Variants in SMARCAL1 observed in about 807,000 individuals in gnomAD.
The protein encoded by SMARCAL1 is SNF2 related chromatin remodeling annealing helicase 1.
In SMARCAL1, 58 loss-of-function variants were observed where a neutral mutation model predicts 94.5. The observed-to-expected ratio is 0.61, with a 90% CI of 0.50 to 0.76. The LOEUF is 0.76. SMARCAL1 is among the 30% of genes least tolerant of loss of function. The pLI is 0.00. For missense variants in SMARCAL1, 1,051 were observed against 1,177.9 expected (o/e 0.89, Z 1.58); for synonymous variants, 422 against 455.1 (o/e 0.93, Z 0.93).
intron 7 of SMARCAL1, among the ~76,000 whole-genome samples, chr2:216,432,377 A>T (rs1268609612): frequency 1.3e-5 from 2 of 151,952 alleles, no homozygotes; most frequent in East Asian, 3.9e-4. Context: ...ACCCTCCTCC[A>T]TGTACGTCCC....
intron 10 of SMARCAL1, among the ~76,000 whole-genome samples, chr2:216,440,048 A>AG (rs1491336149): frequency 8.7e-6 from 1 of 114,674 alleles, no homozygotes; most frequent in Non-Finnish European, 1.7e-5. Flanking sequence ...TCTCAAAAAA[A>AG]GAAAAAAAAA....
At chr2:216,463,478 C>G (rs949360827) in intron 12 of SMARCAL1, among the ~76,000 whole-genome samples, 4 of 151,266 alleles carry the variant, frequency 2.6e-5, no homozygotes, top group Non-Finnish European at 5.9e-5. Context: ...CCACTTCCCA[C>G]CACCACTGCA....
rs1695224731 is a variant in SMARCAL1, at chr2:216,482,593, T to C, written c.2626-145T>C. 9.0e-7 allele frequency: 1 copy of C among 1,114,574 alleles called. No homozygotes were observed. Among genetic ancestry groups the C allele is most frequent in the Non-Finnish European group, 1.4e-6 (1 of 739,828 alleles). The allele number at this position is 1,114,574 out of a possible 1,614,324, so 69.0% of individuals were successfully genotyped here. On this transcript the variant is annotated intron_variant, in intron 17 of 17. Coordinates refer to ENST00000357276, the MANE Select transcript of SMARCAL1 (RefSeq NM_014140.4). The surrounding 1 kb of genome is among the most constrained non-coding windows in gnomAD (Gnocchi z 4.3). ...CTTTAGTGATGGTTTGCTGAGATGA[T>C]GCACACTTGCCATCGTGTAGCTCCC...
chr2:216,464,525 C>A (rs974672947), intron 12 of SMARCAL1, 72 bp from the exon 13 acceptor site: 2 of 1,076,924 alleles, frequency 1.9e-6, no homozygotes, highest in Non-Finnish European at 2.9e-6. Context: ...CGCATAGGAG[C>A]AATAATTAGA....
Position 216,414,968 on chromosome 2 carries a change from T to G in SMARCAL1, c.264T>G (p.Asp88Glu). ...CTAATGCTGACCAAAGACCTCATGATTCCCACAGTTTTCAGGCAAAGGGAA... is the reference window on the plus strand; with the variant it reads ...CTAATGCTGACCAAAGACCTCATGAGTCCCACAGTTTTCAGGCAAAGGGAA... ...SSSNADQRPH[D>E]SHSFQAKGIW... Residue 88 changes from aspartate (D) to glutamate (E), a missense_variant, in exon 3 of 18, where the codon GAT becomes GAG. Transcript: ENST00000357276. 6.2e-7 allele frequency: 1 copy of G among 1,614,214 alleles called. No homozygotes were observed. Among genetic ancestry groups the G allele is most frequent in the Non-Finnish European group, 8.5e-7 (1 of 1,180,032 alleles).
At position 216,415,478 on chromosome 2, in the gene SMARCAL1, C is replaced by G. The variant is rs1472774164; in HGVS notation, c.774C>G (p.Leu258=). Residue 258 remains leucine (L), a synonymous_variant, in exon 3 of 18, where the codon CTC becomes CTG. Coordinates refer to ENST00000357276, the MANE Select transcript of SMARCAL1 (RefSeq NM_014140.4). ...FQVLIGYNAE[L]IAVFKTLPSK... ...TGTTGATTGGGTACAATGCGGAACT[C>G]ATTGCAGTGTTTAAGACCCTGCCCA... 1.9e-6 allele frequency: 3 copies of G among 1,613,630 alleles called. No individual in the cohort carries two copies. In the South Asian group the frequency reaches 3.3e-5, roughly 18 times the overall value.
intron 4 of SMARCAL1, among the ~76,000 whole-genome samples, chr2:216,419,187 G>T (rs1009074192): frequency 1.6e-4 from 25 of 152,116 alleles, no homozygotes; most frequent in African/African-American, 5.8e-4. Context: ...TTTTCCAGCA[G>T]GTTTTATTCC....
intron 13 of SMARCAL1, among the ~76,000 whole-genome samples, chr2:216,466,327 C>T (rs753293225): frequency 7.9e-5 from 12 of 152,172 alleles, no homozygotes; most frequent in Non-Finnish European, 1.5e-4. Context: ...AGTTTCCAAA[C>T]ATTTTTTACA....
In SMARCAL1 at chr2:216,428,649, C is replaced by T; in HGVS notation, c.1201C>T (p.Leu401Phe). 1 of 1,614,256 alleles carries T rather than the reference C, an allele frequency of 6.2e-7. No homozygotes were observed. Among genetic ancestry groups the T allele is most frequent in the Non-Finnish European group, 8.5e-7 (1 of 1,180,046 alleles). ...QVQLDPLPTTLTLAFASQLKK... is the reference protein window; with the variant it reads ...QVQLDPLPTTFTLAFASQLKK... ...TCAGCTGGACCCTCTGCCCACGACTCTCACCCTGGCGTTTGCTTCTCAGCT... is the reference window on the plus strand; with the variant it reads ...TCAGCTGGACCCTCTGCCCACGACTTTCACCCTGGCGTTTGCTTCTCAGCT... The change falls in exon 7 of 18, where the codon CTC (leucine) becomes TTC (phenylalanine). Residue 401 changes from leucine to phenylalanine, a missense_variant. Transcript: ENST00000357276.
chr2:216,465,028 T>G (rs914998677), intron 13 of SMARCAL1, among the ~76,000 whole-genome samples: 1 of 152,064 alleles, frequency 6.6e-6, no homozygotes, highest in Non-Finnish European at 1.5e-5. Context: ...GCACCTGTGG[T>G]CCCAACTACT....
At chr2:216,439,330 G>A (rs1033157548) in intron 10 of SMARCAL1, among the ~76,000 whole-genome samples, 3 of 152,214 alleles carry the variant, frequency 2.0e-5, no homozygotes, top group South Asian at 2.1e-4. Flanking sequence ...ATTATGGGGG[G>A]GGGGGATGAT....
At chr2:216,447,442 G>A (rs1694343726) in intron 11 of SMARCAL1, among the ~76,000 whole-genome samples, 1 of 152,114 alleles carries the variant, frequency 6.6e-6, no homozygotes, top group South Asian at 2.1e-4. Flanking sequence ...GGAGCTCTGA[G>A]AGCCGGCTTC....
At chr2:216,421,237 T>C (rs1693713601) in intron 5 of SMARCAL1, among the ~76,000 whole-genome samples, 1 of 152,204 alleles carries the variant, frequency 6.6e-6, no homozygotes, top group African/African-American at 2.4e-5. Context: ...AATCTTCCGA[T>C]AAGCCTAATT....
chr2:216,482,239 G>A lies in SMARCAL1; in HGVS notation c.2626-499G>A, dbSNP rs1248421994. ...TAGCTGAGGTGGGCAGATCATTTGA[G>A]CTCAGGAGTTCGAGACCAGCCTGGG... is the stretch of plus-strand genomic sequence containing the variant. On this transcript the variant is annotated intron_variant, in intron 17 of 17. Transcript: ENST00000357276. This position sits in a 1 kb window ranked among gnomAD's most constrained non-coding sequence, Gnocchi z 4.3. Among the ~76,000 whole-genome samples the A allele has an allele frequency of 6.6e-6, 1 of 152,122 alleles. No individual in the cohort carries two copies. The highest frequency in any genetic ancestry group is 1.5e-5 in the Non-Finnish European group (1 of 68,016).
chr2:216,446,041 G>A (rs772456408), intron 10 of SMARCAL1, among the ~76,000 whole-genome samples: 1 of 152,142 alleles, frequency 6.6e-6, no homozygotes. Flanking sequence ...GGTAGGGTCC[G>A]TTCCCAGAGC....
chr2:216,438,626 A>G, intron 10 of SMARCAL1, 141 bp downstream of exon 10: 1 of 735,998 alleles, frequency 1.4e-6, no homozygotes, highest in Non-Finnish European at 2.4e-6. Context: ...GACTTAGGGC[A>G]TCTGTCTCTC....
intron 1 of SMARCAL1, among the ~76,000 whole-genome samples, chr2:216,413,130 G>T (rs1460756138): frequency 7.4e-6 from 1 of 134,374 alleles, no homozygotes; most frequent in East Asian, 2.6e-4. Context: ...GTTCTCTGGG[G>T]ATAGATACTT....
At chr2:216,419,762 C>T (rs1436816739) in intron 4 of SMARCAL1, among the ~76,000 whole-genome samples, 1 of 151,930 alleles carries the variant, frequency 6.6e-6, no homozygotes, top group Non-Finnish European at 1.5e-5. Flanking sequence ...AGGTATGGTG[C>T]CTGATGCCTG....
At chr2:216,445,206 G>A (rs1190740382) in intron 10 of SMARCAL1, among the ~76,000 whole-genome samples, 2 of 152,156 alleles carry the variant, frequency 1.3e-5, no homozygotes, top group Non-Finnish European at 2.9e-5. Flanking sequence ...CTTTGCAGCT[G>A]GGCATGTGTT....
Sources: gnomAD v4.1 joint callset for allele counts (sites outside exome capture counted in the v4.1 genomes callset) on GRCh38, gnomAD v4.1.1 for gene constraint, Gnocchi (gnomAD v3.1) non-coding constraint, MANE v1.5 for transcripts, NCBI Gene and HGNC (gene_info 2026-07-23, HGNC 2026-07-21) for gene names.